NMT2: variants seen among roughly 807,000 people sequenced by gnomAD.
NMT2 encodes the protein N-myristoyltransferase 2.
NMT2 carries 35 observed loss-of-function variants against 65.4 expected under a neutral mutation model. The observed-to-expected ratio is 0.54, with a 90% confidence interval of 0.41 to 0.71. The LOEUF (loss-of-function observed/expected upper bound fraction) is 0.71, where lower values mean the gene tolerates loss of function less well. NMT2 is among the 30% of genes least tolerant of loss of function. The pLI is 0.00. For synonymous variants in NMT2, 226 were observed against 231.8 expected (o/e 0.98, Z 0.23); for missense variants, 489 against 611.3 (o/e 0.80, Z 2.11).
chr10:15,154,699 C>T, intron 1 of NMT2: 1 of 490,760 alleles, frequency 2.0e-6, no homozygotes, highest in Admixed American at 2.7e-5. Context: ...AGTGAGAGCA[C>T]AAAGATTCTA....
intron 3 of NMT2, among the ~76,000 whole-genome samples, chr10:15,133,652 T>C (rs537225675): frequency 5.3e-5 from 8 of 152,278 alleles, no homozygotes; most frequent in Non-Finnish European, 1.0e-4. Context: ...AGTGGTGCAA[T>C]CATGGCTCAC....
intron 9 of NMT2, 43 bp downstream of exon 9, chr10:15,119,300 G>A (rs764400861): frequency 7.0e-6 from 11 of 1,562,662 alleles, no homozygotes; most frequent in East Asian, 2.2e-5. Flanking sequence ...GAACACAAAG[G>A]GTGCTTCAAG....
intron 2 of NMT2, among the ~76,000 whole-genome samples, chr10:15,137,492 A>T (rs936919628): frequency 2.6e-5 from 4 of 152,236 alleles, no homozygotes; most frequent in Admixed American, 2.6e-4. Context: ...CCCCAACATT[A>T]AAAGGAGCAA....
intron 8 of NMT2, among the ~76,000 whole-genome samples, chr10:15,127,559 A>AAAAAAT (rs1564568328): frequency 0.017 from 1,691 of 98,040 alleles, 121 homozygotes; most frequent in African/African-American, 0.14. Context: ...AAAAAAAAAA[A>AAAAAAT]AAAAAAAAAA....
chr10:15,132,816 C>T lies in NMT2; in HGVS notation c.719+1G>A. On this transcript the variant is annotated splice_donor_variant, in intron 6 of 11. Coordinates refer to ENST00000378165, the MANE Select transcript of NMT2 (RefSeq NM_004808.3). LOFTEE classifies it high-confidence loss of function. ...CCGCATGGACGAGCTTAAACATGTA[C>T]CTGTCATAAATCCGAATGTTTGCTG... The T allele has an allele frequency of 6.3e-7, 1 of 1,593,074 alleles. No individual in the cohort carries two copies. Among genetic ancestry groups the T allele is most frequent in the Non-Finnish European group, 8.6e-7 (1 of 1,164,156 alleles).
chr10:15,130,076 G>A (rs1270107461), intron 7 of NMT2, 66 bp downstream of exon 7: 22 of 1,242,648 alleles, frequency 1.8e-5, no homozygotes, highest in Non-Finnish European at 3.2e-6. Flanking sequence ...ACATCTAGCA[G>A]AACAGTGGTG....
Position 15,127,051 on chromosome 10 carries a change from T to C in NMT2, c.999+1299A>G, listed in dbSNP as rs549587360. 3.1e-4 allele frequency among the ~76,000 whole-genome samples: 46 copies of C among 150,380 alleles called. 1 individual carries two copies. Among genetic ancestry groups the C allele is most frequent in the Admixed American group, 8.6e-4 (13 of 15,068 alleles). On this transcript the variant is annotated intron_variant, in intron 8 of 11. Transcript: ENST00000378165. ...TTCAAGACCAGCCTGGCCAACATGG[T>C]GAAACCCCCGCCATCTCTACTAAAA...
Position 15,109,720 on chromosome 10 carries a change from T to C in NMT2, c.1458A>G (p.Pro486=). The change falls in exon 11 of 12, where the codon CCA becomes CCG. Residue 486 remains proline, a synonymous_variant. Transcript: ENST00000378165. ...LQYYLYNWRC[P]GTDSEKVGLV... Reference sequence around the variant, plus strand: ...CACTTACCTTTTCAGAATCTGTACCTGGACACCTCCAATTGTACAGGTAAT... The same window carrying C: ...CACTTACCTTTTCAGAATCTGTACCCGGACACCTCCAATTGTACAGGTAAT... 1 of 1,611,736 alleles carries C rather than the reference T, an allele frequency of 6.2e-7. No homozygotes were observed. The highest frequency in any genetic ancestry group is 8.5e-7 in the Non-Finnish European group (1 of 1,179,288).
intron 1 of NMT2, among the ~76,000 whole-genome samples, chr10:15,157,278 C>T (rs1033986755): frequency 3.9e-5 from 6 of 152,162 alleles, no homozygotes; most frequent in Non-Finnish European, 8.8e-5. Context: ...TCCTCGACTC[C>T]AACCAGGTTT....
intron 3 of NMT2, among the ~76,000 whole-genome samples, chr10:15,134,754 G>T (rs1349645898): frequency 6.6e-6 from 1 of 152,196 alleles, no homozygotes; most frequent in African/African-American, 2.4e-5. Flanking sequence ...GCCAAGGCAG[G>T]TGGATCACTT....
chr10:15,149,089 A>G (rs917542018), intron 1 of NMT2, among the ~76,000 whole-genome samples: 13 of 151,402 alleles, frequency 8.6e-5, no homozygotes, highest in South Asian at 2.1e-4. Flanking sequence ...CACCATCACC[A>G]TATCATTACT....
At position 15,108,030 on chromosome 10, in the gene NMT2, A is replaced by G; in HGVS notation, c.*1165T>C. 2 of 985,842 alleles carry G rather than the reference A, an allele frequency of 2.0e-6. No individual in the cohort carries two copies. The highest frequency in any genetic ancestry group is 5.2e-4 in the Middle Eastern group (1 of 1,914). The allele number at this position is 985,842 out of a possible 1,614,324, so 61.1% of individuals were successfully genotyped here. On this transcript the variant is annotated 3_prime_UTR_variant, in exon 12 of 12. Coordinates refer to ENST00000378165, the MANE Select transcript of NMT2 (RefSeq NM_004808.3). ...CATAAGTAATAAAAACATTCAAACT[A>G]TCAATGCCCTGATAGCACGAATAAG... is the stretch of plus-strand genomic sequence containing the variant.
At chr10:15,123,532 A>G (rs950095721) in intron 8 of NMT2, among the ~76,000 whole-genome samples, 2 of 83,592 alleles carry the variant, frequency 2.4e-5, no homozygotes, top group Non-Finnish European at 4.7e-5. Flanking sequence ...CGTCTCACAG[A>G]AAAAAAAAAA....
At chr10:15,136,188 T>C (rs989815878) in intron 2 of NMT2, among the ~76,000 whole-genome samples, 1 of 142,422 alleles carries the variant, frequency 7.0e-6, no homozygotes, top group African/African-American at 2.7e-5. Context: ...GCCATTGCAC[T>C]CCAGCCTGGG....
intron 1 of NMT2, among the ~76,000 whole-genome samples, chr10:15,144,684 T>C (rs538501560): frequency 6.6e-6 from 1 of 151,968 alleles, no homozygotes; most frequent in Admixed American, 6.6e-5. Context: ...TGAGCCGAGA[T>C]TGCACCACTG....
intron 10 of NMT2, among the ~76,000 whole-genome samples, chr10:15,110,887 T>C (rs1218417404): frequency 6.6e-6 from 1 of 152,132 alleles, no homozygotes; most frequent in African/African-American, 2.4e-5. Context: ...ACCTCCCAGA[T>C]TTAAGCAATT....
Position 15,139,878 on chromosome 10 carries a change from T to C in NMT2, c.246+1544A>G, listed in dbSNP as rs1295543684. On this transcript the variant is annotated intron_variant, in intron 2 of 11. Transcript: ENST00000378165. ...GTAACAACTACTATATATATATATA[T>C]ATATATATATATATATATATATATA... 8.5e-3 allele frequency: 566 copies of C among 66,224 alleles called. 22 individuals are homozygous for C. The highest frequency in any genetic ancestry group is 0.067 in the African/African-American group (540 of 8,004). 4.1% of individuals were successfully genotyped at this position (66,224 alleles called of 1,614,324 possible). A position where few individuals can be genotyped will look rare whatever the true frequency, so the allele number is the denominator to read the frequency against.
intron 8 of NMT2, 142 bp from the exon 9 acceptor site, chr10:15,119,655 C>T (rs1393896567): frequency 1.6e-6 from 1 of 641,784 alleles, no homozygotes; most frequent in Non-Finnish European, 2.7e-6. Context: ...TGGCCCTGCC[C>T]CAGATCTAAT....
At chr10:15,110,709 T>G (rs1845483889) in intron 10 of NMT2, among the ~76,000 whole-genome samples, 1 of 152,246 alleles carries the variant, frequency 6.6e-6, no homozygotes, top group Admixed American at 6.5e-5. Flanking sequence ...CCAAAAATGT[T>G]AAAAATGTAG....
Sources: allele counts gnomAD v4.1 joint callset (sites outside exome capture counted in the v4.1 genomes callset), GRCh38; gene constraint gnomAD v4.1.1; transcripts MANE v1.5; gene names NCBI Gene and HGNC (gene_info 2026-07-23, HGNC 2026-07-21).